Variants in SNX8 observed in about 807,000 individuals in gnomAD.
SNX8 encodes the protein sorting nexin-8.
Under a neutral mutation model 51.6 loss-of-function variants are expected in SNX8, and 25 were observed. The observed-to-expected ratio is 0.48, with a 90% CI of 0.35 to 0.68. The LOEUF (loss-of-function observed/expected upper bound fraction) is 0.68, where lower values mean the gene tolerates loss of function less well. SNX8 is among the 30% of genes least tolerant of loss of function. The pLI, the probability that SNX8 is intolerant of heterozygous loss-of-function variation, is 0.00. For synonymous variants in SNX8, 324 were observed against 277.0 expected (o/e 1.17, Z -1.68); for missense variants, 695 against 624.0 (o/e 1.11, Z -1.21).
intron 7 of SNX8, among the ~76,000 whole-genome samples, chr7:2,261,096 C>T (rs1487499572): frequency 6.6e-6 from 1 of 152,200 alleles, no homozygotes; most frequent in Non-Finnish European, 1.5e-5. Context: ...GGCTTTTATG[C>T]TTTGCACACT....
At chr7:2,330,042 G>A (rs1212078275) in intron 1 of SNX8, among the ~76,000 whole-genome samples, 2 of 149,270 alleles carry the variant, frequency 1.3e-5, no homozygotes, top group Non-Finnish European at 3.0e-5. Context: ...TGTTGGCCAG[G>A]CTGGTCTCGA....
At chr7:2,284,144 A>G (rs1025065650) in intron 1 of SNX8, among the ~76,000 whole-genome samples, 4 of 151,540 alleles carry the variant, frequency 2.6e-5, no homozygotes, top group African/African-American at 9.7e-5. Context: ...TGTCCAGGCT[A>G]GTCTCGAACT....
intron 1 of SNX8, among the ~76,000 whole-genome samples, chr7:2,308,408 C>T (rs1796592245): frequency 6.6e-6 from 1 of 152,062 alleles, no homozygotes; most frequent in Non-Finnish European, 1.5e-5. Flanking sequence ...TGGCTCACAC[C>T]TGTAATCCCA....
At chr7:2,332,359 A>C (rs954561199) in intron 1 of SNX8, among the ~76,000 whole-genome samples, 3 of 152,120 alleles carry the variant, frequency 2.0e-5, no homozygotes, top group Non-Finnish European at 2.9e-5. Flanking sequence ...TCCTCAGTGC[A>C]GTTCTAGTCC....
In SNX8 at chr7:2,252,739, C is replaced by G. The variant is rs1168524492; in HGVS notation, c.*2317G>C. 7.6e-6 allele frequency: 1 copy of G among 131,770 alleles called. No individual in the cohort carries two copies. Among genetic ancestry groups the G allele is most frequent in the Admixed American group, 7.6e-5 (1 of 13,236 alleles). 8.2% of individuals were successfully genotyped at this position (131,770 alleles called of 1,614,324 possible). A position where few individuals can be genotyped will look rare whatever the true frequency, so the allele number is the denominator to read the frequency against. ...CTCCTCACCCCTGCCCTCTTGCTCT[C>G]TCCTCACCCCTGCCCTCCTGCTCCC... On this transcript the variant is annotated 3_prime_UTR_variant, in exon 11 of 11. Transcript: ENST00000222990.
chr7:2,273,581 G>A (rs545847152), intron 3 of SNX8, among the ~76,000 whole-genome samples: 220 of 126,246 alleles, frequency 1.7e-3, no homozygotes, highest in East Asian at 2.0e-3. Flanking sequence ...GCGAGTCTTC[G>A]TCTCAAAAAC....
intron 10 of SNX8, among the ~76,000 whole-genome samples, 190 bp from the exon 11 acceptor site, chr7:2,255,359 C>A (rs111758446): frequency 0.028 from 4,243 of 152,308 alleles, 76 homozygotes; most frequent in Middle Eastern, 0.099. Flanking sequence ...AGTGGACCAG[C>A]GACATGTGAC....
Position 2,260,822 on chromosome 7 carries a change from T to G in SNX8, c.915+2408A>C, listed in dbSNP as rs111322076. 1.5e-3 allele frequency among the ~76,000 whole-genome samples: 234 copies of G among 152,142 alleles called. 5 individuals carry two copies. Among genetic ancestry groups the G allele is most frequent in the African/African-American group, 5.5e-3 (228 of 41,512 alleles). On this transcript the variant is annotated intron_variant, in intron 7 of 10. Transcript: ENST00000222990. The stretch of plus-strand genomic sequence containing the variant: ...AGACATCACAGTCCCAAAACACAAC[T>G]CATGAGATGTCCAAGAGTCACAGAG...
At chr7:2,287,076 T>G (rs1796047050) in intron 1 of SNX8, among the ~76,000 whole-genome samples, 1 of 151,530 alleles carries the variant, frequency 6.6e-6, no homozygotes. Flanking sequence ...AGGCAGAGGT[T>G]GCAGTGAGCC....
chr7:2,332,954 ACTAT>A (rs1452617097), intron 1 of SNX8, among the ~76,000 whole-genome samples: 5 of 152,144 alleles, frequency 3.3e-5, no homozygotes, highest in South Asian at 2.1e-4. Flanking sequence ...GAGAATTCTT[ACTAT>A]CTGATTTCAA....
At chr7:2,347,714 C>T (rs1232983790) in intron 1 of SNX8, among the ~76,000 whole-genome samples, 3 of 147,108 alleles carry the variant, frequency 2.0e-5, no homozygotes, top group African/African-American at 2.5e-5. Flanking sequence ...GGTGTGATCT[C>T]GGCTCACTGC....
upstream of SNX8, among the ~76,000 whole-genome samples, chr7:2,316,087 T>C (rs564034831): frequency 4.7e-5 from 7 of 148,704 alleles, 1 homozygote; most frequent in East Asian, 1.0e-3. Flanking sequence ...ATGCACTTCA[T>C]CCTGCATTCA....
intron 1 of SNX8, among the ~76,000 whole-genome samples, chr7:2,303,342 C>T (rs1207222247): frequency 6.6e-6 from 1 of 151,036 alleles, no homozygotes; most frequent in Non-Finnish European, 1.5e-5. Flanking sequence ...GAGGGGTCAG[C>T]CCCCCGCCCA....
intron 1 of SNX8, among the ~76,000 whole-genome samples, chr7:2,284,728 A>T (rs1795984046): frequency 6.6e-6 from 1 of 150,954 alleles, no homozygotes; most frequent in Admixed American, 6.6e-5. Context: ...CTTCATCTGG[A>T]TGGGGAGAAT....
intron 3 of SNX8, among the ~76,000 whole-genome samples, chr7:2,274,539 A>G (rs1795729554): frequency 6.6e-6 from 1 of 152,236 alleles, no homozygotes; most frequent in Admixed American, 6.5e-5. Flanking sequence ...AGCAGCTCTG[A>G]GGTCGTCTGC....
chr7:2,291,648 C>T (rs1219739019), intron 1 of SNX8, among the ~76,000 whole-genome samples: 1 of 151,780 alleles, frequency 6.6e-6, no homozygotes, highest in African/African-American at 2.4e-5. Context: ...GAAGACCCAA[C>T]CCCCTGGTCC....
At chr7:2,296,757 C>T (rs1796281562) in intron 1 of SNX8, among the ~76,000 whole-genome samples, 2 of 151,686 alleles carry the variant, frequency 1.3e-5, no homozygotes, top group Middle Eastern at 3.4e-3. Flanking sequence ...ATGGTTAAAC[C>T]CCATCTCTAC....
chr7:2,338,491 C>T (rs923680059), intron 1 of SNX8, among the ~76,000 whole-genome samples: 5 of 149,504 alleles, frequency 3.3e-5, no homozygotes, highest in Non-Finnish European at 7.4e-5. Context: ...AAAAAATTGG[C>T]GGGCGTGGTG....
At chr7:2,259,774 G>C (rs191315429) in intron 7 of SNX8, among the ~76,000 whole-genome samples, 1 of 152,284 alleles carries the variant, frequency 6.6e-6, no homozygotes, top group Non-Finnish European at 1.5e-5. Context: ...GGAGAATGTA[G>C]GCTTATTCCC....
Sources: allele counts gnomAD v4.1 joint callset (sites outside exome capture counted in the v4.1 genomes callset), GRCh38; gene constraint gnomAD v4.1.1; transcripts MANE v1.5; gene names NCBI Gene and HGNC (gene_info 2026-07-23, HGNC 2026-07-21).